The following SYTL4 variants were observed in gnomAD, a reference collection of about 807,000 sequenced individuals.
SYTL4 encodes the protein synaptotagmin-like protein 4.
Under a neutral mutation model 52.7 loss-of-function variants are expected in SYTL4, and 16 were observed. That is an observed-to-expected ratio of 0.30 (90% CI 0.21 to 0.46). The LOEUF is 0.46. Ranked by LOEUF, SYTL4 falls within the 20% of genes least tolerant of loss-of-function variation. The probability of loss-of-function intolerance (pLI) is 1.00; values close to 1 mark genes in which losing one functional copy is unlikely to be tolerated. For missense variants in SYTL4, 423 were observed against 519.9 expected, an observed-to-expected ratio of 0.81 and a Z score of 1.81; for synonymous variants, 160 against 186.6, an observed-to-expected ratio of 0.86 and a Z score of 1.16.
chrX:100,725,191 G>C lies in SYTL4; in HGVS notation c.-240+6227C>G, dbSNP rs138977584. On this transcript the variant is annotated intron_variant, in intron 2 of 19. Coordinates refer to ENST00000372989, the MANE Select transcript of SYTL4 (RefSeq NM_001370165.1). The stretch of plus-strand genomic sequence containing the variant: ...TAGGTAAGAAAAAAATTTCACAGGA[G>C]ATCAAAAGGGAATGGCCGTAGAGAC... Among the ~76,000 whole-genome samples the C allele has an allele frequency of 1.3e-3, 142 of 111,581 alleles. 1 individual carries two copies. The highest frequency in any genetic ancestry group is 3.8e-3 in the South Asian group (10 of 2,619).
intron 10 of SYTL4, 96 bp downstream of exon 10, chrX:100,690,467 G>A (rs1459607090): frequency 1.5e-5 from 9 of 595,472 alleles, no homozygotes; most frequent in East Asian, 7.7e-5. Flanking sequence ...GAAGAGTGAG[G>A]GGGAGGGAGG....
chrX:100,696,149 T>C (rs2083701193), intron 8 of SYTL4, among the ~76,000 whole-genome samples: 1 of 112,144 alleles, frequency 8.9e-6, no homozygotes, highest in Non-Finnish European at 1.9e-5. Flanking sequence ...CTATGAACAT[T>C]CACGTAGAAG....
At position 100,729,833 on chromosome X, in the gene SYTL4, G is replaced by A. The variant is rs569429185; in HGVS notation, c.-240+1585C>T. On this transcript the variant is annotated intron_variant, in intron 2 of 19. Transcript: ENST00000372989. ...AGGTGACTTTAGAACTCAATCTTGA[G>A]GGATGGATAGGAATTAATGTCAGGG... is the stretch of plus-strand genomic sequence containing the variant. Among the ~76,000 whole-genome samples the A allele has an allele frequency of 3.6e-5, 4 of 110,795 alleles. No individual in the cohort carries two copies. The South Asian group carries it at 1.6e-3, about 43-fold the overall frequency.
chrX:100,701,771 T>G, intron 5 of SYTL4, 98 bp from the exon 6 acceptor site: 1 of 924,293 alleles, frequency 1.1e-6, no homozygotes, highest in Non-Finnish European at 1.5e-6. Context: ...TATTTGGTTC[T>G]GTGGAAGCAA....
rs775062952 is a variant in SYTL4 at position 100,700,947 on chromosome X, A to G, written c.489T>C (p.Gly163=). The part of the protein sequence containing the change: ...GQSLLHQTQM[G]DIWPGRKIIQ... Reference sequence around the variant, plus strand: ...TGATCTTTCTTCCTGGCCAGATGTCACCCATCTGTGTCTGATGAAGGAGGG... The same window carrying G: ...TGATCTTTCTTCCTGGCCAGATGTCGCCCATCTGTGTCTGATGAAGGAGGG... The change falls in exon 8 of 20, where the codon GGT becomes GGC. Residue 163 remains glycine, a synonymous_variant. Transcript: ENST00000372989. 1 of 1,210,567 alleles carries G rather than the reference A, an allele frequency of 8.3e-7. No individual in the cohort carries two copies. The highest frequency in any genetic ancestry group is 3.0e-5 in the East Asian group (1 of 33,838).
At chrX:100,714,788 T>C (rs2147802500) in intron 2 of SYTL4, among the ~76,000 whole-genome samples, 2 of 111,604 alleles carry the variant, frequency 1.8e-5, no homozygotes, top group East Asian at 5.6e-4. Context: ...CTTCTTTTAT[T>C]TTAAAATGTA....
chrX:100,697,004 AT>A (rs1420855703), intron 8 of SYTL4, among the ~76,000 whole-genome samples: 1 of 112,345 alleles, frequency 8.9e-6, no homozygotes, highest in Non-Finnish European at 1.9e-5. Flanking sequence ...AAAACAGAAG[AT>A]TTAATTCAGC....
chrX:100,699,362 C>T (rs1277998077), intron 8 of SYTL4, among the ~76,000 whole-genome samples: 7 of 94,575 alleles, frequency 7.4e-5, no homozygotes, highest in Non-Finnish European at 1.4e-4. Flanking sequence ...AGCGAAACTC[C>T]GTCTCAAAAG....
Position 100,681,291 on chromosome X carries a change from C to T in SYTL4, c.1494G>A (p.Glu498=). The T allele has an allele frequency of 8.3e-7, 1 of 1,211,575 alleles. No homozygotes were observed. The highest frequency in any genetic ancestry group is 1.1e-6 in the Non-Finnish European group (1 of 895,429). The change falls in exon 17 of 20, where the codon GAG becomes GAA. Residue 498 remains glutamate (E), a synonymous_variant. Coordinates refer to ENST00000372989, the MANE Select transcript of SYTL4 (RefSeq NM_001370165.1). ...SPTGLPSHKG[E]LVVSLKYIPA... Reference sequence around the variant, plus strand: ...GGATGTATTTCAATGAAACCACCAACTCGCCTTTGTGTGATGGCAAGCCAG... The same window carrying T: ...GGATGTATTTCAATGAAACCACCAATTCGCCTTTGTGTGATGGCAAGCCAG...
chrX:100,695,430 T>C (rs1184857125), intron 8 of SYTL4, among the ~76,000 whole-genome samples: 1 of 111,231 alleles, frequency 9.0e-6, no homozygotes, highest in African/African-American at 3.3e-5. Context: ...CCAGAAGCAA[T>C]AGGTTTCAGA....
In SYTL4 at chrX:100,704,119, T is replaced by C. The variant is rs916598665; in HGVS notation, c.-164+692A>G. On this transcript the variant is annotated intron_variant, in intron 3 of 19. Transcript: ENST00000372989. The stretch of plus-strand genomic sequence containing the variant: ...CTCTAAACAATTAGACCAGTCATTT[T>C]ATTTTTCATTTCATTTTATTTTTCA... Among the ~76,000 whole-genome samples, 21 of 112,427 alleles carry C rather than the reference T, an allele frequency of 1.9e-4. No homozygotes were observed. The Admixed American group carries it at 1.9e-3, about 10-fold the overall frequency.
intron 17 of SYTL4, among the ~76,000 whole-genome samples, chrX:100,680,916 A>G (rs1030069839): frequency 6.3e-5 from 7 of 111,004 alleles, no homozygotes; most frequent in Non-Finnish European, 7.6e-5. Flanking sequence ...TTCATACTTT[A>G]CCACCTCTCC....
At chrX:100,719,529 T>C (rs1299051957) in intron 2 of SYTL4, among the ~76,000 whole-genome samples, 4 of 106,783 alleles carry the variant, frequency 3.7e-5, no homozygotes, top group Non-Finnish European at 7.6e-5. Flanking sequence ...TCAGTCTGGC[T>C]TACTTTCCCA....
At chrX:100,706,300 C>G (rs2083955604) in intron 2 of SYTL4, among the ~76,000 whole-genome samples, 1 of 112,332 alleles carries the variant, frequency 8.9e-6, no homozygotes, top group Non-Finnish European at 1.9e-5. Flanking sequence ...TCCCTCCAGT[C>G]CCATCAGACA....
intron 2 of SYTL4, among the ~76,000 whole-genome samples, chrX:100,714,760 G>C (rs982131763): frequency 1.8e-5 from 2 of 111,627 alleles, no homozygotes; most frequent in Non-Finnish European, 3.8e-5. Flanking sequence ...TATTTAGTAA[G>C]TGCATCCAAA....
At chrX:100,728,536 A>G (rs2084569172) in intron 2 of SYTL4, among the ~76,000 whole-genome samples, 1 of 111,479 alleles carries the variant, frequency 9.0e-6, no homozygotes, top group African/African-American at 3.3e-5. Flanking sequence ...GCCATCCGTT[A>G]TTCTTTTGAG....
rs148723958 is a variant in SYTL4, at chrX:100,689,501, T to C, written c.912+355A>G. On this transcript the variant is annotated intron_variant, in intron 12 of 19. Transcript: ENST00000372989. ...AAAAATATAAAAAATTACCCAGGCA[T>C]GGTGGCGCACACCTGTAATCCCAGC... Among the ~76,000 whole-genome samples, 2,082 of 106,545 alleles carry C rather than the reference T, an allele frequency of 0.02. 97 individuals carry two copies. In the East Asian group the frequency reaches 0.25, roughly 13 times the overall value. 92.5% of individuals were successfully genotyped at this position (106,545 alleles called of 115,157 possible).
chrX:100,729,552 C>CACCT (rs1464915705), intron 2 of SYTL4, among the ~76,000 whole-genome samples: 1 of 111,550 alleles, frequency 9.0e-6, no homozygotes. Context: ...ACCATCACTA[C>CACCT]ACCTCAGCCC....
At chrX:100,676,301 G>C in intron 19 of SYTL4, 125 bp from the exon 20 acceptor site, 2 of 723,285 alleles carry the variant, frequency 2.8e-6, no homozygotes, top group Non-Finnish European at 4.1e-6. Flanking sequence ...AATGGCCACA[G>C]CAGTCTGGGA....
Sources: gnomAD v4.1 joint callset for allele counts (sites outside exome capture counted in the v4.1 genomes callset) on GRCh38, gnomAD v4.1.1 for gene constraint, MANE v1.5 for transcripts, NCBI Gene and HGNC (gene_info 2026-07-23, HGNC 2026-07-21) for gene names.